Variants in ALDH1A2 observed in about 807,000 individuals in gnomAD.
ALDH1A2 encodes retinal dehydrogenase 2.
ALDH1A2 carries 27 observed loss-of-function variants against 60.3 expected under a neutral mutation model. That is an observed-to-expected ratio of 0.45 (90% CI 0.33 to 0.62). The LOEUF (loss-of-function observed/expected upper bound fraction) is 0.62, where lower values mean the gene tolerates loss of function less well. Among genes scored for constraint, ALDH1A2 ranks in the 20% least tolerant of loss-of-function variants. The pLI, the probability that ALDH1A2 is intolerant of heterozygous loss-of-function variation, is 0.02. For synonymous variants in ALDH1A2, 289 were observed against 232.4 expected (o/e 1.24, Z -2.21); for missense variants, 581 against 643.8 (o/e 0.90, Z 1.06).
intron 10 of ALDH1A2, 101 bp from the exon 11 acceptor site, chr15:57,961,395 C>T: frequency 7.1e-7 from 1 of 1,417,634 alleles, no homozygotes; most frequent in Admixed American, 1.8e-5. Flanking sequence ...ACTTAAATGA[C>T]CTTTAAGTTT....
At chr15:58,038,128 C>T (rs932439171) in intron 1 of ALDH1A2, among the ~76,000 whole-genome samples, 6 of 151,656 alleles carry the variant, frequency 4.0e-5, no homozygotes, top group Non-Finnish European at 8.9e-5. Flanking sequence ...CTCTTCCCCT[C>T]CCTCCCTACT....
chr15:58,055,072 C>T (rs1174500673), intron 1 of ALDH1A2, among the ~76,000 whole-genome samples: 1 of 151,910 alleles, frequency 6.6e-6, no homozygotes, highest in Non-Finnish European at 1.5e-5. Flanking sequence ...TTCAGCAAGG[C>T]TTTAGGTTAA....
intron 1 of ALDH1A2, among the ~76,000 whole-genome samples, chr15:58,022,426 C>T (rs115128555): frequency 0.014 from 2,105 of 152,242 alleles, 56 homozygotes; most frequent in African/African-American, 0.047. Flanking sequence ...ACTCAGGATG[C>T]AGAGGATCAT....
At chr15:58,063,993 G>GT (rs1566965465) in intron 1 of ALDH1A2, among the ~76,000 whole-genome samples, 2 of 152,060 alleles carry the variant, frequency 1.3e-5, no homozygotes, top group African/African-American at 4.8e-5. Context: ...TCTGAAAAAC[G>GT]TACCTATTGC....
intron 7 of ALDH1A2, among the ~76,000 whole-genome samples, chr15:57,977,767 T>C (rs1177010444): frequency 6.6e-6 from 1 of 152,236 alleles, no homozygotes; most frequent in Admixed American, 6.5e-5. Context: ...AATGGTAGCT[T>C]GATCGGGATA....
chr15:58,061,477 G>C (rs1256712967), intron 1 of ALDH1A2, among the ~76,000 whole-genome samples: 1 of 151,150 alleles, frequency 6.6e-6, no homozygotes, highest in Non-Finnish European at 1.5e-5. Context: ...GCCATTTAAA[G>C]TATTAGAATC....
chr15:57,978,934 G>A (rs1383340450), intron 7 of ALDH1A2, among the ~76,000 whole-genome samples: 4 of 152,298 alleles, frequency 2.6e-5, no homozygotes, highest in East Asian at 1.9e-4. Flanking sequence ...TACTTGGGGG[G>A]CTGAGGCAGG....
At chr15:57,991,199 T>C (rs1169847545) in intron 7 of ALDH1A2, among the ~76,000 whole-genome samples, 1 of 152,242 alleles carries the variant, frequency 6.6e-6, no homozygotes, top group Admixed American at 6.5e-5. Flanking sequence ...TACAGTTGTC[T>C]TAAATTGATT....
At chr15:57,967,792 C>G (rs948851374) in intron 7 of ALDH1A2, among the ~76,000 whole-genome samples, 2 of 152,154 alleles carry the variant, frequency 1.3e-5, no homozygotes, top group Non-Finnish European at 2.9e-5. Context: ...CTGCCCTTCC[C>G]CCGCCCTTGC....
chr15:57,971,194 T>C, intron 7 of ALDH1A2, among the ~76,000 whole-genome samples: 1 of 152,230 alleles, frequency 6.6e-6, no homozygotes, highest in East Asian at 1.9e-4. Context: ...TGTCTTTGCA[T>C]AAGCTGCTCC....
intron 7 of ALDH1A2, among the ~76,000 whole-genome samples, chr15:57,978,151 G>A (rs184280563): frequency 2.4e-4 from 36 of 152,302 alleles, no homozygotes; most frequent in Admixed American, 1.4e-3. Context: ...GAGACAATTT[G>A]ACTTCCTCTC....
chr15:57,999,427 A>G (rs1895183563), intron 4 of ALDH1A2, among the ~76,000 whole-genome samples: 1 of 152,040 alleles, frequency 6.6e-6, no homozygotes, highest in Non-Finnish European at 1.5e-5. Flanking sequence ...GCAGCCAAAA[A>G]ACATGAAAAA....
chr15:58,045,046 A>G (rs1442524722), intron 1 of ALDH1A2, among the ~76,000 whole-genome samples: 1 of 152,130 alleles, frequency 6.6e-6, no homozygotes, highest in African/African-American at 2.4e-5. Context: ...CAACAAATCT[A>G]CAAGAAAAAA....
intron 1 of ALDH1A2, among the ~76,000 whole-genome samples, chr15:58,025,275 G>A (rs867270824): frequency 2.0e-5 from 3 of 151,992 alleles, no homozygotes; most frequent in Non-Finnish European, 4.4e-5. Flanking sequence ...AAACAAAATC[G>A]ATAAACTGCT....
Position 58,014,279 on chromosome 15 carries a change from G to T in ALDH1A2, c.120C>A (p.Ile40=), listed in dbSNP as rs145131555. 5 of 1,612,518 alleles carry T rather than the reference G, an allele frequency of 3.1e-6. No individual in the cohort carries two copies. In the South Asian group the frequency reaches 3.3e-5, roughly 11 times the overall value. The change falls in exon 2 of 13, where the codon ATC becomes ATA. Residue 40 remains isoleucine (I), a splice_region_variant and synonymous_variant. Coordinates refer to ENST00000249750, the MANE Select transcript of ALDH1A2 (RefSeq NM_003888.4). ...AGTTCTGCCACTCGTTGTTTATAAA[G>T]ATCTAAGGGAGTAGATAACAGAATG... ...TPNLEIKYTK[I]FINNEWQNSE...
intron 1 of ALDH1A2, among the ~76,000 whole-genome samples, chr15:58,061,621 A>AAAAAAAAAAAAAAAAAT: frequency 6.7e-6 from 1 of 150,266 alleles, no homozygotes; most frequent in Non-Finnish European, 1.5e-5. Context: ...AAAAAAAAAA[A>AAAAAAAAAAAAAAAAAT]AAAAACGGAA....
Position 57,984,643 on chromosome 15 carries a change from T to G in ALDH1A2, c.798+8062A>C, listed in dbSNP as rs114911833. ...TCTTTTGTAACTGGATTCTTTCATT[T>G]GGTATAGTGTTTTCAAGGCTCATTC... On this transcript the variant is annotated intron_variant, in intron 7 of 12. Transcript: ENST00000249750. Among the ~76,000 whole-genome samples, 660 of 152,348 alleles carry G rather than the reference T, an allele frequency of 4.3e-3. 4 individuals are homozygous for G. Among genetic ancestry groups the G allele is most frequent in the African/African-American group, 0.015 (617 of 41,572 alleles).
At chr15:57,999,459 T>C (rs1895185174) in intron 4 of ALDH1A2, among the ~76,000 whole-genome samples, 1 of 151,964 alleles carries the variant, frequency 6.6e-6, no homozygotes, top group Non-Finnish European at 1.5e-5. Context: ...CAATGATCAT[T>C]AGAGAAATGC....
At chr15:57,977,648 GAT>G (rs1894309641) in intron 7 of ALDH1A2, among the ~76,000 whole-genome samples, 1 of 152,190 alleles carries the variant, frequency 6.6e-6, no homozygotes, top group Non-Finnish European at 1.5e-5. Context: ...TGGGTAGCAT[GAT>G]GCCTCCAGCT....
Sources: gnomAD v4.1 joint callset for allele counts (sites outside exome capture counted in the v4.1 genomes callset) on GRCh38, gnomAD v4.1.1 for gene constraint, MANE v1.5 for transcripts, NCBI Gene and HGNC (gene_info 2026-07-23, HGNC 2026-07-21) for gene names.